Variants in ERCC8 observed in about 807,000 individuals in gnomAD.
The protein encoded by ERCC8 is DNA excision repair protein ERCC-8.
Under a neutral mutation model 54.9 loss-of-function variants are expected in ERCC8, and 52 were observed. The observed-to-expected ratio is 0.95, with a 90% CI of 0.76 to 1.19. The LOEUF is 1.19. Ranked by LOEUF, ERCC8 falls within the 50% of genes most tolerant of loss-of-function variation. The probability of loss-of-function intolerance (pLI) is 0.00; values close to 1 mark genes in which losing one functional copy is unlikely to be tolerated. For synonymous variants in ERCC8, 146 were observed against 157.2 expected, an observed-to-expected ratio of 0.93 and a Z score of 0.53; for missense variants, 514 against 466.1, an observed-to-expected ratio of 1.10 and a Z score of -0.95.
chr5:60,926,938 A>G (rs1000933104), intron 2 of ERCC8, among the ~76,000 whole-genome samples: 6 of 152,294 alleles, frequency 3.9e-5, no homozygotes, highest in Middle Eastern at 6.8e-3. Flanking sequence ...TTAACTTTCT[A>G]TTTGAAGTAT....
intron 9 of ERCC8, among the ~76,000 whole-genome samples, 192 bp downstream of exon 9, chr5:60,898,084 A>C (rs1402783536): frequency 2.0e-5 from 3 of 152,154 alleles, no homozygotes; most frequent in Admixed American, 1.3e-4. Context: ...CTAAGTAGGG[A>C]GAATGTGGTA....
chr5:60,931,777 G>T (rs1037220505), intron 1 of ERCC8, among the ~76,000 whole-genome samples: 2 of 151,562 alleles, frequency 1.3e-5, no homozygotes, highest in Non-Finnish European at 2.9e-5. Context: ...TATGCTCTTT[G>T]TAACAAGTAA....
rs1041839383 is a variant in ERCC8 at position 60,880,560 on chromosome 5, A to G, written c.1123-5877T>C. ...CCCATATTTCTTGGAGGCTTTGTTC[A>G]TTTCTTTTTATTCTTTTTTCTCTAA... On this transcript the variant is annotated intron_variant, in intron 11 of 11. Coordinates refer to ENST00000676185, the MANE Select transcript of ERCC8 (RefSeq NM_000082.4). Among the ~76,000 whole-genome samples the G allele has an allele frequency of 2.6e-5, 4 of 152,000 alleles. No homozygotes were observed. The East Asian group carries it at 5.8e-4, about 22-fold the overall frequency.
intron 11 of ERCC8, among the ~76,000 whole-genome samples, chr5:60,878,672 G>A (rs1369281919): frequency 1.3e-5 from 2 of 152,116 alleles, no homozygotes; most frequent in Non-Finnish European, 2.9e-5. Context: ...GGTGTTTATA[G>A]TATTCTGATG....
At position 60,866,892 on chromosome 5, in the gene ERCC8, C is replaced by G. The variant is rs528730024; in HGVS notation, c.*7723G>C. ...TGGAGTCTCGCTCTCTTGTCCAGGC[C>G]GGAGTGCAGTGGCGCAATCTCGGCT... On this transcript the variant is annotated 3_prime_UTR_variant, in exon 12 of 12. Coordinates refer to ENST00000676185, the MANE Select transcript of ERCC8 (RefSeq NM_000082.4). The G allele has an allele frequency of 2.0e-5, 3 of 151,964 alleles. No individual in the cohort carries two copies. The highest frequency in any genetic ancestry group is 7.3e-5 in the African/African-American group (3 of 41,376). 9.4% of individuals were successfully genotyped at this position (151,964 alleles called of 1,614,324 possible).
At chr5:60,932,743 A>G (rs1167971672) in intron 1 of ERCC8, among the ~76,000 whole-genome samples, 1 of 152,164 alleles carries the variant, frequency 6.6e-6, no homozygotes, top group Non-Finnish European at 1.5e-5. Context: ...GCCCTTCTAG[A>G]AAATCATAAA....
chr5:60,880,068 C>A (rs1469048974), intron 11 of ERCC8, among the ~76,000 whole-genome samples: 1 of 152,148 alleles, frequency 6.6e-6, no homozygotes, highest in Non-Finnish European at 1.5e-5. Context: ...CTGGTGGTGA[C>A]AAAATCTCTC....
intron 1 of ERCC8, among the ~76,000 whole-genome samples, chr5:60,939,477 TC>T (rs1750192122): frequency 7.0e-6 from 1 of 143,004 alleles, no homozygotes; most frequent in Non-Finnish European, 1.6e-5. Flanking sequence ...TTGCAATACT[TC>T]TTTTTTTTAA....
At chr5:60,901,716 CTTCTGTGTATTCAAG>C (rs1033990194) in intron 7 of ERCC8, among the ~76,000 whole-genome samples, 1 of 152,026 alleles carries the variant, frequency 6.6e-6, no homozygotes, top group Admixed American at 6.6e-5. Flanking sequence ...ATACTACCCA[CTTCTGTGTATTCAAG>C]GACCTAATGC....
At chr5:60,935,572 T>C (rs749326705) in intron 1 of ERCC8, among the ~76,000 whole-genome samples, 32 of 152,334 alleles carry the variant, frequency 2.1e-4, no homozygotes, top group Non-Finnish European at 4.3e-4. Flanking sequence ...TCCAGCACTA[T>C]GTTGAATAGA....
At chr5:60,880,687 AG>A (rs1308446387) in intron 11 of ERCC8, among the ~76,000 whole-genome samples, 2 of 152,150 alleles carry the variant, frequency 1.3e-5, no homozygotes, top group Non-Finnish European at 2.9e-5. Context: ...TTCATCACGT[AG>A]TTCTCGTGCC....
intron 9 of ERCC8, chr5:60,891,913 G>T (rs1013124996): frequency 1.4e-5 from 7 of 493,212 alleles, no homozygotes; most frequent in Admixed American, 4.2e-5. Context: ...GATCGGAAGG[G>T]AAGTGAGATC....
intron 4 of ERCC8, 107 bp from the exon 5 acceptor site, chr5:60,904,980 G>T: frequency 1.8e-6 from 1 of 562,556 alleles, no homozygotes; most frequent in Non-Finnish European, 3.3e-6. Context: ...TAAATTGACT[G>T]TTAGCAATTC....
intron 1 of ERCC8, among the ~76,000 whole-genome samples, chr5:60,941,543 T>C (rs898578119): frequency 1.3e-5 from 2 of 152,180 alleles, no homozygotes; most frequent in African/African-American, 2.4e-5. Context: ...CCCAAGTTTA[T>C]GGAAAGATAT....
intron 6 of ERCC8, 135 bp from the exon 7 acceptor site, chr5:60,902,643 T>A: frequency 1.4e-6 from 1 of 725,778 alleles, no homozygotes; most frequent in Non-Finnish European, 2.5e-6. Context: ...TTTTTCAGAT[T>A]TATAATAATC....
chr5:60,944,330 G>C (rs561881848), intron 1 of ERCC8, among the ~76,000 whole-genome samples: 1 of 152,166 alleles, frequency 6.6e-6, no homozygotes, highest in East Asian at 1.9e-4. Flanking sequence ...TCCCACTCTT[G>C]TTCTCAGTTG....
intron 9 of ERCC8, chr5:60,893,061 T>C (rs1579997006): frequency 2.6e-6 from 2 of 779,214 alleles, no homozygotes; most frequent in Admixed American, 1.7e-5. Flanking sequence ...CACAACCTCC[T>C]TGGGGTCCAG....
intron 7 of ERCC8, 110 bp from the exon 8 acceptor site, chr5:60,899,837 A>G (rs1748824641): frequency 1.3e-6 from 1 of 784,232 alleles, no homozygotes; most frequent in African/African-American, 1.7e-5. Flanking sequence ...ATAGGTACAT[A>G]TGTATTCATA....
At position 60,868,471 on chromosome 5, in the gene ERCC8, G is replaced by T. The variant is rs149810141; in HGVS notation, c.*6144C>A. Reference sequence around the variant, plus strand: ...GAGAACTAAGAGAGGTCGCAACATAGTTCTTTAATTTTACCCCCTTCCTTT... The same window carrying T: ...GAGAACTAAGAGAGGTCGCAACATATTTCTTTAATTTTACCCCCTTCCTTT... On this transcript the variant is annotated 3_prime_UTR_variant, in exon 12 of 12. Transcript: ENST00000676185. Among the ~76,000 whole-genome samples, 1 of 152,226 alleles carries T rather than the reference G, an allele frequency of 6.6e-6. No homozygotes were observed. The highest frequency in any genetic ancestry group is 2.4e-5 in the African/African-American group (1 of 41,544).
Sources: gnomAD v4.1 joint callset for allele counts (sites outside exome capture counted in the v4.1 genomes callset) on GRCh38, gnomAD v4.1.1 for gene constraint, MANE v1.5 for transcripts, NCBI Gene and HGNC (gene_info 2026-07-23, HGNC 2026-07-21) for gene names.